NCALD: variants seen among roughly 807,000 people sequenced by gnomAD.
NCALD encodes the protein neurocalcin delta.
NCALD carries 10 observed loss-of-function variants against 18.6 expected under a neutral mutation model. That is an observed-to-expected ratio of 0.54 (90% CI 0.33 to 0.91). The LOEUF (loss-of-function observed/expected upper bound fraction) is 0.91, where lower values mean the gene tolerates loss of function less well. NCALD is among the 40% of genes least tolerant of loss of function. The pLI is 0.03. For missense variants in NCALD, 184 were observed against 247.6 expected (o/e 0.74, Z 1.72); for synonymous variants, 88 against 87.4 (o/e 1.01, Z -0.04).
intron 4 of NCALD, among the ~76,000 whole-genome samples, chr8:101,884,505 T>C (rs1816604814): frequency 6.6e-6 from 1 of 152,192 alleles, no homozygotes; most frequent in African/African-American, 2.4e-5. Flanking sequence ...TGTAAGTCCG[T>C]GTTATACCAT....
chr8:101,818,350 C>T (rs1342117543), intron 4 of NCALD, among the ~76,000 whole-genome samples: 1 of 152,150 alleles, frequency 6.6e-6, no homozygotes, highest in African/African-American at 2.4e-5. Context: ...CTCACTTGAT[C>T]TTCACGCTAG....
At chr8:102,007,203 G>A (rs529288501) in intron 2 of NCALD, among the ~76,000 whole-genome samples, 7 of 152,272 alleles carry the variant, frequency 4.6e-5, no homozygotes, top group South Asian at 4.2e-4. Context: ...AGCTTGGTTC[G>A]TATTACTATA....
At chr8:101,743,229 T>C (rs1248420582) in intron 1 of NCALD, among the ~76,000 whole-genome samples, 1 of 151,948 alleles carries the variant, frequency 6.6e-6, no homozygotes, top group Non-Finnish European at 1.5e-5. Flanking sequence ...CTTTCAGTTA[T>C]TTCACAAGAA....
intron 4 of NCALD, among the ~76,000 whole-genome samples, chr8:101,849,426 T>A (rs472471): frequency 0.32 from 48,256 of 152,036 alleles, 8,859 homozygotes; most frequent in African/African-American, 0.5. Context: ...GTGACTACCT[T>A]GGTTATTTAT....
intron 2 of NCALD, among the ~76,000 whole-genome samples, chr8:101,979,613 A>C (rs1441579920): frequency 6.6e-6 from 1 of 152,218 alleles, no homozygotes; most frequent in Non-Finnish European, 1.5e-5. Flanking sequence ...AAAAACAAGA[A>C]GTCATTCTGA....
At chr8:102,026,827 A>T (rs550298817) in intron 1 of NCALD, among the ~76,000 whole-genome samples, 1 of 152,284 alleles carries the variant, frequency 6.6e-6, no homozygotes, top group East Asian at 1.9e-4. Context: ...CTGCCTGGAG[A>T]TCCAGGCATT....
chr8:102,081,545 TAAA>T (rs770307937), intron 1 of NCALD, among the ~76,000 whole-genome samples: 11,887 of 68,016 alleles, frequency 0.17, 983 homozygotes, highest in East Asian at 0.48. Context: ...CAAATAATGG[TAAA>T]AAAAAAAAAA....
chr8:101,813,115 A>G lies in NCALD; in HGVS notation c.-20+74026T>C, dbSNP rs1813368059. Among the ~76,000 whole-genome samples, 3 of 152,234 alleles carry G rather than the reference A, an allele frequency of 2.0e-5. No homozygotes were observed. In the South Asian group the frequency reaches 6.2e-4, roughly 32 times the overall value. On this transcript the variant is annotated intron_variant, in intron 4 of 6. Transcript: ENST00000311028. ...GACACAGACCTTGGCCTCATGATAC[A>G]GTTATTGAAGAATTTAAACATTTAA... is the stretch of plus-strand genomic sequence containing the variant.
chr8:101,842,700 A>G (rs1000828343), intron 4 of NCALD, among the ~76,000 whole-genome samples: 11 of 152,294 alleles, frequency 7.2e-5, no homozygotes, highest in African/African-American at 2.6e-4. Flanking sequence ...AAGGCCCCCA[A>G]CCTATTTCCA....
At chr8:102,042,789 G>A (rs1300853841) in intron 1 of NCALD, among the ~76,000 whole-genome samples, 1 of 148,240 alleles carries the variant, frequency 6.7e-6, no homozygotes, top group East Asian at 2.0e-4. Flanking sequence ...AAGGGTAAGG[G>A]CAGAAAGCAG....
At chr8:102,012,331 C>A (rs1821933365) in intron 2 of NCALD, among the ~76,000 whole-genome samples, 1 of 152,226 alleles carries the variant, frequency 6.6e-6, no homozygotes, top group South Asian at 2.1e-4. Context: ...AAGGAACTCT[C>A]AAGAAAAACC....
intron 1 of NCALD, among the ~76,000 whole-genome samples, chr8:102,025,014 T>C (rs1409828721): frequency 1.3e-5 from 2 of 152,118 alleles, no homozygotes; most frequent in Non-Finnish European, 2.9e-5. Flanking sequence ...CATGTAACCA[T>C]TATGTCTTTT....
At chr8:102,003,259 C>A (rs1167802964) in intron 2 of NCALD, among the ~76,000 whole-genome samples, 2 of 152,166 alleles carry the variant, frequency 1.3e-5, no homozygotes, top group Non-Finnish European at 2.9e-5. Flanking sequence ...CACCTCTATG[C>A]AAATAAACTA....
chr8:101,693,583 C>G (rs1814848956), intron 2 of NCALD: 1 of 152,042 alleles, frequency 6.6e-6, no homozygotes, highest in South Asian at 2.1e-4. Context: ...TTTTAATAAG[C>G]TCCGGTGTGA....
Position 102,085,598 on chromosome 8 carries a change from T to TA in NCALD, c.-210+38638dup, listed in dbSNP as rs11305918. Among the ~76,000 whole-genome samples, 29 of 151,688 alleles carry TA rather than the reference T, an allele frequency of 1.9e-4. No individual in the cohort carries two copies. The East Asian group carries it at 3.5e-3, about 18-fold the overall frequency. ...GGTGAAACCCAGTCTCTACTAAAAA[T>TA]AAAAAAAAATTAGCTGGGCATGGTG... On this transcript the variant is annotated intron_variant, in intron 1 of 6. Transcript: ENST00000311028.
At chr8:101,871,972 T>A in intron 4 of NCALD, 1 of 778,980 alleles carries the variant, frequency 1.3e-6, no homozygotes, top group Admixed American at 1.8e-5. Flanking sequence ...CCACCCCAAC[T>A]CATCTCTGGT....
intron 4 of NCALD, among the ~76,000 whole-genome samples, chr8:101,858,332 A>G (rs1215254765): frequency 1.3e-5 from 2 of 152,202 alleles, no homozygotes; most frequent in Non-Finnish European, 2.9e-5. Context: ...CAAAAGCCAG[A>G]AAAAGCTCAG....
intron 2 of NCALD, among the ~76,000 whole-genome samples, chr8:101,714,726 G>A (rs1470283931): frequency 6.9e-6 from 1 of 145,194 alleles, no homozygotes; most frequent in East Asian, 2.1e-4. Flanking sequence ...GCCGGGCACG[G>A]TGGCTCACGC....
intron 2 of NCALD, among the ~76,000 whole-genome samples, chr8:101,999,333 C>G (rs542091665): frequency 1.2e-3 from 188 of 152,126 alleles, no homozygotes; most frequent in African/African-American, 4.3e-3. Flanking sequence ...GGAATACTAC[C>G]CAGCCATAAA....
Sources: allele counts gnomAD v4.1 joint callset (sites outside exome capture counted in the v4.1 genomes callset), GRCh38; gene constraint gnomAD v4.1.1; transcripts MANE v1.5; gene names NCBI Gene and HGNC (gene_info 2026-07-23, HGNC 2026-07-21).